The following SPATA7 variants were observed in gnomAD, a reference collection of about 807,000 sequenced individuals.
SPATA7 encodes the protein spermatogenesis-associated protein 7.
SPATA7 carries 43 observed loss-of-function variants against 51.8 expected under a neutral mutation model. The observed-to-expected ratio is 0.83, with a 90% CI of 0.65 to 1.07. The LOEUF (loss-of-function observed/expected upper bound fraction) is 1.07. Among genes scored for constraint, SPATA7 ranks in the 50% least tolerant of loss-of-function variants. The pLI, the probability that SPATA7 is intolerant of heterozygous loss-of-function variation, is 0.00. For synonymous variants in SPATA7, 230 were observed against 252.8 expected, an observed-to-expected ratio of 0.91 and a Z score of 0.86; for missense variants, 683 against 701.3, an observed-to-expected ratio of 0.97 and a Z score of 0.30.
At chr14:88,446,739 G>A (rs951824281) in intron 3 of SPATA7, among the ~76,000 whole-genome samples, 11 of 152,088 alleles carry the variant, frequency 7.2e-5, no homozygotes, top group East Asian at 3.8e-4. Flanking sequence ...GTTTTGTTAT[G>A]TACCCAGTAG....
downstream of SPATA7, among the ~76,000 whole-genome samples, chr14:88,458,917 T>C (rs1420080178): frequency 6.6e-6 from 1 of 152,224 alleles, no homozygotes; most frequent in East Asian, 1.9e-4. Context: ...TTCTGGTATG[T>C]TGTGTCTTTG....
intron 3 of SPATA7, among the ~76,000 whole-genome samples, chr14:88,448,305 A>G (rs2077228078): frequency 6.6e-6 from 1 of 152,018 alleles, no homozygotes; most frequent in African/African-American, 2.4e-5. Flanking sequence ...CATTCTTCAC[A>G]TAGTTCTCGA....
chr14:88,468,001 T>C (rs745708151), intron 4 of SPATA7: 1 of 1,147,968 alleles, frequency 8.7e-7, no homozygotes, highest in Non-Finnish European at 1.3e-6. Flanking sequence ...CGTGCCGCCA[T>C]TCAGACTGCG....
At chr14:88,431,457 G>T (rs559037811) in intron 9 of SPATA7, among the ~76,000 whole-genome samples, 1 of 152,090 alleles carries the variant, frequency 6.6e-6, no homozygotes, top group East Asian at 1.9e-4. Flanking sequence ...ATTTCTTTGT[G>T]TTGGAAACAT....
chr14:88,395,185 T>A (rs989583099), intron 3 of SPATA7, among the ~76,000 whole-genome samples: 21 of 152,204 alleles, frequency 1.4e-4, no homozygotes, highest in Admixed American at 1.4e-3. Flanking sequence ...TTAAAAATCT[T>A]AAAAACCGTG....
At chr14:88,423,674 T>TATACCCATCCAATTCTACAA (rs1595262443) in intron 5 of SPATA7, among the ~76,000 whole-genome samples, 1 of 57,288 alleles carries the variant, frequency 1.7e-5, no homozygotes, top group African/African-American at 6.5e-5. Context: ...TAAAATAATT[T>TATACCCATCCAATTCTACAA]TTTTTTTTTT....
intron 4 of SPATA7, among the ~76,000 whole-genome samples, chr14:88,411,084 C>T (rs1595224962): frequency 6.6e-6 from 1 of 152,216 alleles, no homozygotes; most frequent in East Asian, 1.9e-4. Context: ...GAGGAGGAAT[C>T]TAGAGAGGCA....
chr14:88,396,543 G>T (rs1183721419), intron 4 of SPATA7, among the ~76,000 whole-genome samples: 1 of 152,124 alleles, frequency 6.6e-6, no homozygotes, highest in Non-Finnish European at 1.5e-5. Flanking sequence ...GTTCTGTTGT[G>T]ACTGGCTTAT....
chr14:88,438,009 G>A lies in SPATA7; in HGVS notation c.1387G>A (p.Glu463Lys). The change falls in exon 12 of 12, where the codon GAA becomes AAA. Residue 463 changes from glutamate to lysine, a missense_variant. Physicochemically the swap from Glu to Lys is moderately conservative, Grantham distance 56. Transcript: ENST00000393545. ...KNESEVTIQQERQQYQKALDM... is the reference protein window; with the variant it reads ...KNESEVTIQQKRQQYQKALDM... ...TGAAAGTGAAGTAACAATTCAGCAGGAACGTCAACAATACCAAAAGGCTTT... is the reference window on the plus strand; with the variant it reads ...TGAAAGTGAAGTAACAATTCAGCAGAAACGTCAACAATACCAAAAGGCTTT... The A allele has an allele frequency of 6.2e-7, 1 of 1,614,026 alleles. No individual in the cohort carries two copies. Among genetic ancestry groups the A allele is most frequent in the Non-Finnish European group, 8.5e-7 (1 of 1,179,996 alleles).
intron 4 of SPATA7, among the ~76,000 whole-genome samples, chr14:88,399,525 G>A (rs1472147713): frequency 1.3e-5 from 2 of 152,096 alleles, no homozygotes. Context: ...CCTTTTTTGT[G>A]AAATGAAAGG....
chr14:88,469,708 C>G lies in SPATA7; in HGVS notation c.255-139C>G. On this transcript the variant is annotated intron_variant, in intron 4 of 4. Coordinates refer to the SPATA7 transcript ENST00000556406. The surrounding 1 kb of genome is among the most constrained non-coding windows in gnomAD (Gnocchi z 4.3). Reference sequence around the variant, plus strand: ...CCTGGAACCAAGTCGTGGCCAGTACCTAAAGCTCTTCTCCCTTCCACCCTC... The same window carrying G: ...CCTGGAACCAAGTCGTGGCCAGTACGTAAAGCTCTTCTCCCTTCCACCCTC... The G allele has an allele frequency of 6.2e-7, 1 of 1,614,202 alleles. No individual in the cohort carries two copies. The highest frequency in any genetic ancestry group is 8.5e-7 in the Non-Finnish European group (1 of 1,180,046).
At chr14:88,429,635 T>C (rs1322302063) in intron 8 of SPATA7, among the ~76,000 whole-genome samples, 172 bp downstream of exon 8, 1 of 152,140 alleles carries the variant, frequency 6.6e-6, no homozygotes, top group Admixed American at 6.6e-5. Context: ...CAAATTGAAG[T>C]GCTTAGTAAA....
At chr14:88,468,202 G>A (rs781681854) in intron 4 of SPATA7, 3 of 1,612,340 alleles carry the variant, frequency 1.9e-6, no homozygotes, top group Non-Finnish European at 2.5e-6. Flanking sequence ...TACTGGCAGA[G>A]AGTCTGCACC....
chr14:88,397,779 A>C (rs916170916), intron 4 of SPATA7, among the ~76,000 whole-genome samples: 1 of 152,222 alleles, frequency 6.6e-6, no homozygotes, highest in African/African-American at 2.4e-5. Flanking sequence ...CTGTTTAAAA[A>C]TTTCTGAAGA....
intron 1 of SPATA7, 99 bp downstream of exon 1, chr14:88,385,936 G>T (rs201260288): frequency 3.3e-3 from 2 of 604 alleles, no homozygotes; most frequent in Non-Finnish European, 3.6e-3. Flanking sequence ...GCCGCCCCTT[G>T]GGGCGCTTCC....
At position 88,438,161 on chromosome 14, in the gene SPATA7, A is replaced by T; in HGVS notation, c.1539A>T (p.Thr513=). 6.2e-7 allele frequency: 1 copy of T among 1,613,690 alleles called. No individual in the cohort carries two copies. The highest frequency in any genetic ancestry group is 2.2e-5 in the East Asian group (1 of 44,864). Residue 513 remains threonine (T), a synonymous_variant, in exon 12 of 12, where the codon ACA becomes ACT. Coordinates refer to ENST00000393545, the MANE Select transcript of SPATA7 (RefSeq NM_018418.5). ...GVIIQQVNDE[T]NLETSTLDEN... ...TAATTCAACAGGTGAATGATGAAAC[A>T]AATCTTGAAACTTCAACTTTGGATG...
chr14:88,439,638 A>T, downstream of SPATA7, among the ~76,000 whole-genome samples: 1 of 152,134 alleles, frequency 6.6e-6, no homozygotes, highest in East Asian at 1.9e-4. Context: ...GGTTTTTATC[A>T]TCCTTTGGCC....
intron 9 of SPATA7, among the ~76,000 whole-genome samples, chr14:88,432,166 C>T (rs143264525): frequency 2.9e-4 from 44 of 152,064 alleles, no homozygotes; most frequent in African/African-American, 9.9e-4. Flanking sequence ...GGTTTCTAAC[C>T]TCAGCAGTTC....
intron 4 of SPATA7, among the ~76,000 whole-genome samples, chr14:88,398,450 A>T (rs1000281815): frequency 7.9e-6 from 1 of 127,132 alleles, no homozygotes; most frequent in African/African-American, 3.0e-5. Flanking sequence ...GGACACAGGA[A>T]GGGGAACATC....
Sources: allele counts gnomAD v4.1 joint callset (sites outside exome capture counted in the v4.1 genomes callset), GRCh38; gene constraint gnomAD v4.1.1; non-coding constraint Gnocchi (gnomAD v3.1); transcripts MANE v1.5; gene names NCBI Gene and HGNC (gene_info 2026-07-23, HGNC 2026-07-21).